The following PCDH15 variants were observed in gnomAD, a reference collection of about 807,000 sequenced individuals.
PCDH15 encodes the protein protocadherin related 15.
PCDH15 carries 129 observed loss-of-function variants against 178.5 expected under a neutral mutation model. The observed-to-expected ratio is 0.72, with a 90% CI of 0.63 to 0.84. The LOEUF is 0.84. Ranked by LOEUF, PCDH15 falls within the 40% of genes least tolerant of loss-of-function variation. The probability of loss-of-function intolerance (pLI) is 0.00; values close to 1 mark genes in which losing one functional copy is unlikely to be tolerated. For synonymous variants in PCDH15, 800 were observed against 732.0 expected, an observed-to-expected ratio of 1.09 and a Z score of -1.50; for missense variants, 2,230 against 2,099.9, an observed-to-expected ratio of 1.06 and a Z score of -1.21.
chr10:53,854,658 C>T (rs979028907), intron 28 of PCDH15, among the ~76,000 whole-genome samples: 2 of 151,892 alleles, frequency 1.3e-5, no homozygotes, highest in African/African-American at 4.8e-5. Context: ...ATAAAATGTA[C>T]AAAACTCCTA....
intron 2 of PCDH15, among the ~76,000 whole-genome samples, chr10:55,107,484 CTTTT>C (rs11290952): frequency 4.6e-5 from 4 of 86,250 alleles, no homozygotes; most frequent in East Asian, 3.8e-4. Context: ...ATTCTCTTTC[CTTTT>C]TTTTTTTTTT....
chr10:54,277,369 C>T (rs1381623428), intron 8 of PCDH15, among the ~76,000 whole-genome samples: 17 of 151,508 alleles, frequency 1.1e-4, no homozygotes, highest in Admixed American at 1.1e-3. Context: ...AATACATCTT[C>T]CGCAGTGACA....
intron 25 of PCDH15, among the ~76,000 whole-genome samples, chr10:53,924,158 C>G (rs917579274): frequency 6.6e-6 from 1 of 152,200 alleles, no homozygotes; most frequent in African/African-American, 2.4e-5. Context: ...AGCCAGCTCC[C>G]TCTGCTTGCG....
At chr10:54,009,750 C>T (rs1324225370) in intron 20 of PCDH15, among the ~76,000 whole-genome samples, 2 of 152,144 alleles carry the variant, frequency 1.3e-5, no homozygotes, top group South Asian at 2.1e-4. Context: ...AAGTGAGTCC[C>T]TGGGGACCCA....
In PCDH15 at chr10:55,014,765, A is replaced by G. The variant is rs542612359; in HGVS notation, c.-79-117265T>C. On this transcript the variant is annotated intron_variant, in intron 2 of 5. Transcript: ENST00000458638. ...TACCAGAGACACATGCTACTTTACT[A>G]TATTTAATAACTGAGTAACTGTAAA... Among the ~76,000 whole-genome samples, 10 of 152,306 alleles carry G rather than the reference A, an allele frequency of 6.6e-5. No homozygotes were observed. In the South Asian group the frequency reaches 2.1e-3, roughly 32 times the overall value.
At chr10:55,562,038 C>G (rs1842210642) in intron 2 of PCDH15, among the ~76,000 whole-genome samples, 1 of 151,804 alleles carries the variant, frequency 6.6e-6, no homozygotes, top group African/African-American at 2.4e-5. Flanking sequence ...ACACATTAAC[C>G]ACAGACATCC....
intron 10 of PCDH15, 35 bp downstream of exon 10, chr10:54,213,901 T>C: frequency 7.3e-7 from 1 of 1,362,266 alleles, no homozygotes; most frequent in Non-Finnish European, 1.0e-6. Flanking sequence ...TAGCAGTTCA[T>C]AAACACAAGG....
rs1172425807 is a variant in PCDH15, at chr10:53,851,338, A to G, written c.3806+5837T>C. On this transcript the variant is annotated intron_variant, in intron 28 of 37. Transcript: ENST00000644397. Reference sequence around the variant, plus strand: ...TATTGTTATTTTATATGCCATTTTTATGCAATCGAATAGAAGCTCCATGGC... The same window carrying G: ...TATTGTTATTTTATATGCCATTTTTGTGCAATCGAATAGAAGCTCCATGGC... Among the ~76,000 whole-genome samples, 4 of 152,058 alleles carry G rather than the reference A, an allele frequency of 2.6e-5. No individual in the cohort carries two copies. The East Asian group carries it at 7.7e-4, about 29-fold the overall frequency.
At chr10:55,226,354 GTTTTGTTTTGT>G in intron 1 of PCDH15, among the ~76,000 whole-genome samples, 1 of 150,926 alleles carries the variant, frequency 6.6e-6, no homozygotes, top group South Asian at 2.1e-4. Flanking sequence ...TAGTTTTTTT[GTTTTGTTTTGT>G]TTTTGTTTTT....
chr10:54,447,092 T>G (rs2076186515), intron 3 of PCDH15, among the ~76,000 whole-genome samples: 1 of 151,572 alleles, frequency 6.6e-6, no homozygotes, highest in African/African-American at 2.4e-5. Context: ...TCTTGCCCCG[T>G]TCTCGCTTTG....
rs998785875 is a variant in PCDH15, at chr10:54,718,690, T to A, written c.-28-54400A>T. Among the ~76,000 whole-genome samples, 3 of 142,012 alleles carry A rather than the reference T, an allele frequency of 2.1e-5. No individual in the cohort carries two copies. In the East Asian group the frequency reaches 6.0e-4, roughly 28 times the overall value. 93.2% of individuals were successfully genotyped at this position (142,012 alleles called of 152,430 possible). ...TCGAAAGATCACACTGATTCTTTTTTTTTTTTTTTTTTTTCTTTTGAGATG... is the reference window on the plus strand; with the variant it reads ...TCGAAAGATCACACTGATTCTTTTTATTTTTTTTTTTTTTCTTTTGAGATG... On this transcript the variant is annotated intron_variant, in intron 1 of 37. Transcript: ENST00000644397.
At chr10:54,667,978 T>C (rs1348236038) in intron 1 of PCDH15, among the ~76,000 whole-genome samples, 1 of 152,132 alleles carries the variant, frequency 6.6e-6, no homozygotes, top group African/African-American at 2.4e-5. Context: ...TCCATGTGCA[T>C]TTTATGACAC....
intron 8 of PCDH15, among the ~76,000 whole-genome samples, chr10:54,246,178 A>G (rs548899907): frequency 4.6e-5 from 7 of 152,084 alleles, no homozygotes; most frequent in African/African-American, 1.7e-4. Flanking sequence ...ATTCAAATAT[A>G]AGTTATGAGA....
chr10:53,830,529 T>C (rs2076956613), intron 30 of PCDH15, among the ~76,000 whole-genome samples: 1 of 152,178 alleles, frequency 6.6e-6, no homozygotes, highest in African/African-American at 2.4e-5. Context: ...TCATTGTCTA[T>C]AGAAATATAC....
At chr10:54,594,812 T>C (rs2092118331) in intron 2 of PCDH15, among the ~76,000 whole-genome samples, 1 of 152,072 alleles carries the variant, frequency 6.6e-6, no homozygotes, top group Non-Finnish European at 1.5e-5. Context: ...TGTTGGAGCA[T>C]TGGAGGGCAT....
chr10:54,945,712 T>C (rs184906016), intron 2 of PCDH15, among the ~76,000 whole-genome samples: 1 of 151,968 alleles, frequency 6.6e-6, no homozygotes, highest in East Asian at 1.9e-4. Context: ...GGAGTTTAAA[T>C]GGCTGGAAGC....
chr10:54,285,580 G>A lies in PCDH15; in HGVS notation c.876+31691C>T, dbSNP rs117255953. Among the ~76,000 whole-genome samples, 509 of 152,136 alleles carry A rather than the reference G, an allele frequency of 3.3e-3. 19 individuals carry two copies. In the East Asian group the frequency reaches 0.077, roughly 23 times the overall value. ...TAGACAAAAAATAACAAATAATGGCGGGGATGTAGGAAAAGGGAAACTCTA... is the reference window on the plus strand; with the variant it reads ...TAGACAAAAAATAACAAATAATGGCAGGGATGTAGGAAAAGGGAAACTCTA... On this transcript the variant is annotated intron_variant, in intron 8 of 37. Transcript: ENST00000644397.
intron 2 of PCDH15, among the ~76,000 whole-genome samples, chr10:55,395,192 TGTGTGAGA>T (rs1368330587): frequency 1.6e-4 from 14 of 89,060 alleles, no homozygotes; most frequent in African/African-American, 6.1e-4. Flanking sequence ...TGTGTGTGTG[TGTGTGAGA>T]GAGAGAGAGA....
chr10:55,158,060 A>ATGTGTGTGTG (rs769091362), intron 2 of PCDH15, among the ~76,000 whole-genome samples: 56,727 of 128,912 alleles, frequency 0.44, 13,621 homozygotes, highest in South Asian at 0.55. Context: ...AATCACACAA[A>ATGTGTGTGTG]TATGTGTGTA....
Sources: gnomAD v4.1 joint callset for allele counts (sites outside exome capture counted in the v4.1 genomes callset) on GRCh38, gnomAD v4.1.1 for gene constraint, MANE v1.5 for transcripts, NCBI Gene and HGNC (gene_info 2026-07-23, HGNC 2026-07-21) for gene names.